ART3: variants seen among roughly 807,000 people sequenced by gnomAD.
ART3 encodes ADP-ribosyltransferase 3 (inactive).
ART3 carries 49 observed loss-of-function variants against 48.5 expected under a neutral mutation model. That is an observed-to-expected ratio of 1.01 (90% confidence interval 0.80 to 1.28). The LOEUF (loss-of-function observed/expected upper bound fraction) is 1.28. Ranked by LOEUF, ART3 falls within the 50% of genes most tolerant of loss-of-function variation. ART3 has a pLI of 0.00. For synonymous variants in ART3, 145 were observed against 157.2 expected, an observed-to-expected ratio of 0.92 and a Z score of 0.58; for missense variants, 438 against 454.3, an observed-to-expected ratio of 0.96 and a Z score of 0.33.
intron 1 of ART3, among the ~76,000 whole-genome samples, chr4:76,018,777 C>T (rs1425207697): frequency 6.6e-6 from 1 of 151,998 alleles, no homozygotes; most frequent in Non-Finnish European, 1.5e-5. Flanking sequence ...CCTATAACCC[C>T]AGCATTTTGG....
At position 76,082,256 on chromosome 4, in the gene ART3, A is replaced by T. The variant is rs1271569012; in HGVS notation, c.502A>T (p.Thr168Ser). 1.2e-6 allele frequency: 2 copies of T among 1,614,220 alleles called. No individual in the cohort carries two copies. Among genetic ancestry groups the T allele is most frequent in the Non-Finnish European group, 1.7e-6 (2 of 1,180,046 alleles). ...TGTGGTATATAGAACAAGCCAGGGC[A>T]CTTCATTTACATTTGGAGGGCTAAA... is the stretch of plus-strand genomic sequence containing the variant. ...KTVVYRTSQG[T>S]SFTFGGLNQA... The change falls in exon 3 of 12, where the codon ACT (threonine) becomes TCT (serine). Residue 168 changes from threonine (T) to serine (S), a missense_variant. Thr to Ser is a moderately conservative substitution (Grantham distance 58). Coordinates refer to ENST00000355810, the MANE Select transcript of ART3 (RefSeq NM_001130016.3).
intron 1 of ART3, among the ~76,000 whole-genome samples, chr4:76,013,160 A>G (rs1731955869): frequency 1.3e-5 from 2 of 152,248 alleles, no homozygotes; most frequent in South Asian, 4.1e-4. Context: ...GTTCAGACGC[A>G]GCTGTCTGAG....
chr4:76,016,538 G>A (rs1237078750), intron 1 of ART3, among the ~76,000 whole-genome samples: 1 of 152,078 alleles, frequency 6.6e-6, no homozygotes, highest in Non-Finnish European at 1.5e-5. Flanking sequence ...CACAGCACTG[G>A]GTCTCACCCA....
At position 76,051,084 on chromosome 4, in the gene ART3, C is replaced by T. The variant is rs541394842; in HGVS notation, c.-9-24797C>T. ...TGAGGGAGCCGGCTCCGGCCTTGGC[C>T]AGCCCAGAAAGGGGCTCCCACAGTG... On this transcript the variant is annotated intron_variant, in intron 1 of 9. Coordinates refer to the ART3 transcript ENST00000341029. Among the ~76,000 whole-genome samples the T allele has an allele frequency of 1.8e-4, 27 of 152,386 alleles. No individual in the cohort carries two copies. The South Asian group carries it at 5.6e-3, about 32-fold the overall frequency.
At chr4:76,101,504 A>G (rs930432234) in intron 8 of ART3, among the ~76,000 whole-genome samples, 2 of 152,166 alleles carry the variant, frequency 1.3e-5, no homozygotes, top group Non-Finnish European at 1.5e-5. Flanking sequence ...GGGGTGGCTC[A>G]CGCCTATAAT....
At chr4:76,074,682 T>C (rs1163902881), upstream of ART3, 1 of 152,182 alleles carries the variant, frequency 6.6e-6, no homozygotes, top group Non-Finnish European at 1.5e-5. Flanking sequence ...GGGGTGTTTA[T>C]AAAAAGAAAA....
At chr4:76,050,776 G>T (rs1004882579) in intron 1 of ART3, among the ~76,000 whole-genome samples, 7 of 152,182 alleles carry the variant, frequency 4.6e-5, no homozygotes, top group Non-Finnish European at 7.4e-5. Flanking sequence ...CAGGCATGGC[G>T]GGCTGCAGGT....
At chr4:76,029,854 T>C (rs1487080385) in intron 1 of ART3, among the ~76,000 whole-genome samples, 2 of 152,200 alleles carry the variant, frequency 1.3e-5, no homozygotes, top group Admixed American at 6.5e-5. Flanking sequence ...ACTGTGAGTG[T>C]TTGGCATCTT....
At chr4:76,035,146 A>G (rs374510962) in intron 1 of ART3, 26 of 1,612,882 alleles carry the variant, frequency 1.6e-5, no homozygotes, top group Non-Finnish European at 2.1e-5. Context: ...CAAGAGTCTT[A>G]AAGTTTAGAT....
chr4:76,104,105 A>T (rs746721862), intron 9 of ART3, 136 bp downstream of exon 9: 1 of 1,039,076 alleles, frequency 9.6e-7, no homozygotes, highest in African/African-American at 1.6e-5. Flanking sequence ...ATCTACAAAT[A>T]TTTAGCTGGG....
At chr4:76,022,447 A>G (rs1340181005) in intron 1 of ART3, 1 of 1,612,654 alleles carries the variant, frequency 6.2e-7, no homozygotes, top group Non-Finnish European at 8.5e-7. Flanking sequence ...CTTCTTTTTC[A>G]TTGTAGCACT....
At chr4:76,054,623 G>C (rs1718497852) in intron 1 of ART3, among the ~76,000 whole-genome samples, 1 of 151,640 alleles carries the variant, frequency 6.6e-6, no homozygotes, top group Admixed American at 6.6e-5. Flanking sequence ...CTTGAGCTTG[G>C]AAGTTTGAGA....
chr4:76,030,370 C>A (rs373506883), intron 1 of ART3, among the ~76,000 whole-genome samples: 11 of 152,166 alleles, frequency 7.2e-5, no homozygotes, highest in African/African-American at 2.7e-4. Flanking sequence ...CTTCAACTTT[C>A]ACATCCAATC....
intron 3 of ART3, among the ~76,000 whole-genome samples, chr4:76,096,626 C>G (rs1400848018): frequency 6.6e-6 from 1 of 152,230 alleles, no homozygotes; most frequent in African/African-American, 2.4e-5. Flanking sequence ...TATACTGTCT[C>G]ACTAACCTTC....
rs374963536 is a variant in ART3, at chr4:76,062,635, A to G, written c.-9-13246A>G. Among the ~76,000 whole-genome samples the G allele has an allele frequency of 3.5e-4, 48 of 136,490 alleles. No homozygotes were observed. In the South Asian group the frequency reaches 0.011, roughly 30 times the overall value. 89.5% of individuals were successfully genotyped at this position (136,490 alleles called of 152,430 possible). A position where few individuals can be genotyped will look rare whatever the true frequency, so the allele number is the denominator to read the frequency against. On this transcript the variant is annotated intron_variant, in intron 1 of 9. Coordinates refer to the ART3 transcript ENST00000341029. ...GAGTGCAGTGGTGGGATCTCGGCTC[A>G]CGGCAAGCTCCGCCTCTCGGGTTCA...
chr4:76,020,307 AGGCT>A (rs1372498368), intron 1 of ART3, among the ~76,000 whole-genome samples: 1 of 151,994 alleles, frequency 6.6e-6, no homozygotes. Flanking sequence ...CTGTGTTTCC[AGGCT>A]GGTCTCAAAC....
At chr4:76,033,204 T>C (rs1300538557) in intron 1 of ART3, among the ~76,000 whole-genome samples, 1 of 152,106 alleles carries the variant, frequency 6.6e-6, no homozygotes, top group Non-Finnish European at 1.5e-5. Context: ...GAATAAGTCT[T>C]GGAAAATGGA....
chr4:76,024,776 C>T (rs1474062984), intron 1 of ART3, among the ~76,000 whole-genome samples: 1 of 152,158 alleles, frequency 6.6e-6, no homozygotes, highest in Non-Finnish European at 1.5e-5. Flanking sequence ...TCATAGTCAG[C>T]TGGGCTGCAA....
chr4:76,027,241 G>A (rs983022510), intron 1 of ART3, among the ~76,000 whole-genome samples: 1 of 152,000 alleles, frequency 6.6e-6, no homozygotes, highest in Non-Finnish European at 1.5e-5. Context: ...CAACAAGAGC[G>A]AAACTCCGTT....
Sources: allele counts gnomAD v4.1 joint callset (sites outside exome capture counted in the v4.1 genomes callset), GRCh38; gene constraint gnomAD v4.1.1; transcripts MANE v1.5; gene names NCBI Gene and HGNC (gene_info 2026-07-23, HGNC 2026-07-21).